Variants in PDXDC1 observed in about 807,000 individuals in gnomAD.
The protein encoded by PDXDC1 is pyridoxal-dependent decarboxylase domain-containing protein 1.
A neutral mutation model predicts 100.1 loss-of-function variants in PDXDC1; 42 were observed. The ratio of observed to expected loss-of-function variants is 0.42; its 90% CI spans 0.33 to 0.54. The LOEUF is 0.54. PDXDC1 is among the 20% of genes least tolerant of loss of function. The probability of loss-of-function intolerance (pLI) is 0.10; values close to 1 mark genes in which losing one functional copy is unlikely to be tolerated. For synonymous variants in PDXDC1, 260 were observed against 371.7 expected (o/e 0.70, Z 3.46); for missense variants, 636 against 979.2 (o/e 0.65, Z 4.68).
At chr16:15,148,370 A>ATTTTTT in the PDXDC1 span, among the ~76,000 whole-genome samples, 78 of 34,122 alleles carry the variant, frequency 2.3e-3, 10 homozygotes, top group African/African-American at 3.0e-3. Flanking sequence ...AGATCCTGTG[A>ATTTTTT]TTTTTTTTTT....
chr16:15,149,900 C>T, the PDXDC1 span, among the ~76,000 whole-genome samples: 52 of 152,084 alleles, frequency 3.4e-4, no homozygotes, highest in African/African-American at 1.2e-3. Context: ...GACCAATTTA[C>T]AAGAAACACA....
chr16:15,025,260 GA>G (rs1323681863), intron 13 of PDXDC1: 1 of 152,392 alleles, frequency 6.6e-6, no homozygotes, highest in East Asian at 1.9e-4. Context: ...TGAGTTCAAA[GA>G]AAGAAAAGAT....
At chr16:15,003,117 A>C (rs1330348993) in intron 4 of PDXDC1, among the ~76,000 whole-genome samples, 1 of 152,098 alleles carries the variant, frequency 6.6e-6, no homozygotes, top group Non-Finnish European at 1.5e-5. Context: ...TTATATAATC[A>C]ATTTTAATTA....
intron 1 of PDXDC1, among the ~76,000 whole-genome samples, chr16:14,986,071 C>T (rs1358883725): frequency 2.6e-5 from 4 of 152,246 alleles, no homozygotes; most frequent in African/African-American, 9.6e-5. Context: ...ACTGTGACAG[C>T]CTGGACAATA....
At chr16:15,141,921 G>A (rs537356084), downstream of PDXDC1, among the ~76,000 whole-genome samples, 21 of 152,294 alleles carry the variant, frequency 1.4e-4, no homozygotes, top group Middle Eastern at 3.4e-3. Flanking sequence ...GGCTGCGGCG[G>A]CAGCAGAACC....
chr16:15,063,129 C>CTA (rs1306162081), intron 16 of PDXDC1: 1 of 1,212,216 alleles, frequency 8.2e-7, no homozygotes, highest in African/African-American at 1.5e-5. Flanking sequence ...TTGCCACTTA[C>CTA]TATCTCACTG....
At position 15,035,554 on chromosome 16, in the gene PDXDC1, G is replaced by A. The variant is rs1304505332; in HGVS notation, c.2107+1G>A. 1.9e-6 allele frequency: 3 copies of A among 1,585,160 alleles called. No homozygotes were observed. The highest frequency in any genetic ancestry group is 1.1e-5 in the South Asian group (1 of 89,930). On this transcript the variant is annotated splice_donor_variant, in intron 22 of 22. Coordinates refer to ENST00000396410, the MANE Select transcript of PDXDC1 (RefSeq NM_015027.4). LOFTEE classifies it high-confidence loss of function. ...AGTCGCACCAAGCAGAGGCTTCCAG[G>A]TAAGTGACGCCTCTGCACCGAGTTC... is the stretch of plus-strand genomic sequence containing the variant.
intron 3 of PDXDC1, among the ~76,000 whole-genome samples, chr16:15,000,538 A>C (rs1351609900): frequency 2.0e-5 from 3 of 152,216 alleles, no homozygotes; most frequent in African/African-American, 7.2e-5. Context: ...GAAAGAGGAA[A>C]CCTCTTTTTA....
At chr16:14,987,118 C>T (rs1319161100) in intron 1 of PDXDC1, among the ~76,000 whole-genome samples, 2 of 152,266 alleles carry the variant, frequency 1.3e-5, no homozygotes, top group East Asian at 3.8e-4. Context: ...ATGCCCTGAT[C>T]TGGATGATGA....
intron 6 of PDXDC1, among the ~76,000 whole-genome samples, chr16:15,008,274 T>C (rs1032734193): frequency 2.0e-5 from 3 of 152,406 alleles, no homozygotes; most frequent in South Asian, 4.1e-4. Context: ...TAAAATTAAG[T>C]TGACAATCAC....
intron 1 of PDXDC1, among the ~76,000 whole-genome samples, chr16:14,982,686 T>C (rs1968269624): frequency 6.6e-6 from 1 of 152,294 alleles, no homozygotes; most frequent in Non-Finnish European, 1.5e-5. Context: ...AGTCACTGTA[T>C]CAGCTTGGAG....
rs554808688 is a variant in PDXDC1, at chr16:15,131,163, G to A, written c.1400-7716G>A. The stretch of plus-strand genomic sequence containing the variant: ...TGCTGTCCAGGGTGACCACAGCACC[G>A]ACGGAGGCCTGGGGCTGGACCACAA... On this transcript the variant is annotated intron_variant, in intron 16 of 16. Transcript: ENST00000535621. 8.2e-6 allele frequency: 13 copies of A among 1,589,220 alleles called. 1 individual carries two copies. Among genetic ancestry groups the A allele is most frequent in the African/African-American group, 2.7e-5 (2 of 74,646 alleles).
chr16:15,061,646 T>C (rs2044714566), intron 16 of PDXDC1: 2 of 1,198,322 alleles, frequency 1.7e-6, no homozygotes, highest in East Asian at 2.4e-5. Flanking sequence ...TCGCTCTAGT[T>C]CAATGCCATC....
intron 16 of PDXDC1, among the ~76,000 whole-genome samples, chr16:15,072,157 TC>T (rs1235210524): frequency 1.3e-5 from 2 of 151,552 alleles, no homozygotes; most frequent in African/African-American, 4.9e-5. Flanking sequence ...AATTCAACCT[TC>T]TTTCCCATGA....
At chr16:15,078,814 T>C (rs1353291806) in intron 16 of PDXDC1, among the ~76,000 whole-genome samples, 1 of 22,964 alleles carries the variant, frequency 4.4e-5, no homozygotes, top group Non-Finnish European at 2.1e-4. Flanking sequence ...ATTTTTTTCT[T>C]TTTTTTTTTT....
intron 16 of PDXDC1, chr16:15,091,212 TG>T (rs1347802056): frequency 2.1e-6 from 3 of 1,429,210 alleles, no homozygotes; most frequent in African/African-American, 2.8e-5. Flanking sequence ...GGGAGGACCA[TG>T]GAGAGAGCAA....
chr16:15,104,367 T>C (rs2046684636), intron 16 of PDXDC1: 1 of 1,598,434 alleles, frequency 6.3e-7, no homozygotes, highest in Non-Finnish European at 8.5e-7. Flanking sequence ...CAGATTATCA[T>C]CCACTGAGGG....
intron 16 of PDXDC1, among the ~76,000 whole-genome samples, chr16:15,079,324 C>A (rs1254852150): frequency 2.0e-5 from 3 of 152,198 alleles, no homozygotes; most frequent in Admixed American, 6.5e-5. Context: ...AAAGTTTTAA[C>A]TGTTTATAAT....
intron 3 of PDXDC1, among the ~76,000 whole-genome samples, chr16:15,001,063 C>A (rs139944084): frequency 2.7e-3 from 408 of 152,228 alleles, no homozygotes; most frequent in African/African-American, 9.6e-3. Flanking sequence ...GTTGCTAGAG[C>A]AAGACTGGTG....
Sources: gnomAD v4.1 joint callset for allele counts (sites outside exome capture counted in the v4.1 genomes callset) on GRCh38, gnomAD v4.1.1 for gene constraint, MANE v1.5 for transcripts, NCBI Gene and HGNC (gene_info 2026-07-23, HGNC 2026-07-21) for gene names.